Variants in EYS observed in about 807,000 individuals in gnomAD.
EYS encodes the protein EGF-like photoreceptor maintenance factor.
In EYS, 250 loss-of-function variants were observed where a neutral mutation model predicts 282.1. That is an observed-to-expected ratio of 0.89 (90% confidence interval 0.80 to 0.98). EYS has a LOEUF of 0.98. Among genes scored for constraint, EYS ranks in the 50% least tolerant of loss-of-function variants. The probability of loss-of-function intolerance (pLI) is 0.00; values close to 1 mark genes in which losing one functional copy is unlikely to be tolerated. For missense variants in EYS, 4,016 were observed against 3,709.0 expected (o/e 1.08, Z -2.15); for synonymous variants, 1,355 against 1,282.9 (o/e 1.06, Z -1.20).
At chr6:64,569,762 AACAG>A (rs960613234) in intron 26 of EYS, among the ~76,000 whole-genome samples, 7 of 152,050 alleles carry the variant, frequency 4.6e-5, no homozygotes, top group Non-Finnish European at 1.0e-4. Flanking sequence ...AATGAAAAGG[AACAG>A]ACAAAGCCTC....
intron 2 of EYS, among the ~76,000 whole-genome samples, chr6:65,546,512 G>A (rs1655261229): frequency 6.6e-6 from 1 of 151,790 alleles, no homozygotes; most frequent in African/African-American, 2.4e-5. Context: ...CTTACAAAGA[G>A]TTTTATTCTC....
chr6:63,942,888 G>A (rs1477114724), intron 35 of EYS, among the ~76,000 whole-genome samples: 3 of 152,152 alleles, frequency 2.0e-5, no homozygotes, highest in Non-Finnish European at 4.4e-5. Flanking sequence ...GTGAAGACAA[G>A]GAGGATGAAG....
chr6:65,419,020 C>G (rs886706466), intron 5 of EYS, among the ~76,000 whole-genome samples: 1 of 151,806 alleles, frequency 6.6e-6, no homozygotes, highest in Non-Finnish European at 1.5e-5. Context: ...ACCCCTAATA[C>G]CATGCAGATT....
chr6:64,914,296 G>A (rs1343151750), intron 15 of EYS, among the ~76,000 whole-genome samples: 1 of 152,072 alleles, frequency 6.6e-6, no homozygotes, highest in African/African-American at 2.4e-5. Flanking sequence ...TGTGGGCAAG[G>A]TAGATTTCCA....
intron 26 of EYS, among the ~76,000 whole-genome samples, chr6:64,539,309 T>C (rs1331890597): frequency 6.6e-6 from 1 of 152,200 alleles, no homozygotes; most frequent in Middle Eastern, 3.2e-3. Flanking sequence ...CTCCTGTCTG[T>C]AATATGAGTA....
intron 27 of EYS, among the ~76,000 whole-genome samples, chr6:64,436,612 T>C (rs192615927): frequency 6.6e-6 from 1 of 151,958 alleles, no homozygotes; most frequent in Admixed American, 6.6e-5. Context: ...TAACAGCAAT[T>C]GAGCAAGGCA....
chr6:64,685,618 C>G (rs917193041), intron 22 of EYS, among the ~76,000 whole-genome samples: 2 of 152,104 alleles, frequency 1.3e-5, no homozygotes, highest in Non-Finnish European at 2.9e-5. Flanking sequence ...CATTCCTCCA[C>G]GAGTGGAAAC....
chr6:65,202,399 T>C (rs1765924258), intron 12 of EYS, among the ~76,000 whole-genome samples: 1 of 152,152 alleles, frequency 6.6e-6, no homozygotes, highest in South Asian at 2.1e-4. Flanking sequence ...TAGCTGTTTG[T>C]GAAAGCTGTG....
chr6:65,311,356 A>G (rs1159702492), intron 11 of EYS, among the ~76,000 whole-genome samples: 5 of 152,156 alleles, frequency 3.3e-5, no homozygotes, highest in African/African-American at 1.2e-4. Flanking sequence ...TAGACCCACT[A>G]CTCATATTTC....
chr6:64,203,885 G>C (rs1429472412), intron 31 of EYS, among the ~76,000 whole-genome samples: 1 of 152,032 alleles, frequency 6.6e-6, no homozygotes, highest in Non-Finnish European at 1.5e-5. Context: ...AATAAAAATT[G>C]TATTCAGTTA....
Position 64,300,275 on chromosome 6 carries a change from C to T in EYS, c.6191+6695G>A, listed in dbSNP as rs1028041536. 6.9e-4 allele frequency among the ~76,000 whole-genome samples: 105 copies of T among 152,116 alleles called. 1 individual carries two copies. The highest frequency in any genetic ancestry group is 2.3e-3 in the African/African-American group (94 of 41,460). On this transcript the variant is annotated intron_variant, in intron 30 of 42. Coordinates refer to ENST00000503581, the MANE Select transcript of EYS (RefSeq NM_001142800.2). ...CATGACACCCCAGGCCGACAGGGGC[C>T]GCGGCAGGGGGCAGAAGCAACACAG... is the stretch of plus-strand genomic sequence containing the variant.
chr6:64,351,281 A>G (rs903874425), intron 29 of EYS, among the ~76,000 whole-genome samples: 3 of 151,502 alleles, frequency 2.0e-5, no homozygotes. Context: ...ATTTCAGTCT[A>G]TGCAAGTTTT....
At chr6:65,101,563 A>G (rs961974633) in intron 12 of EYS, among the ~76,000 whole-genome samples, 3 of 151,290 alleles carry the variant, frequency 2.0e-5, no homozygotes, top group African/African-American at 7.3e-5. Context: ...ACTACCTCAG[A>G]TAATAAATAG....
chr6:65,598,241 C>T (rs1334842965), intron 2 of EYS, among the ~76,000 whole-genome samples: 3 of 81,340 alleles, frequency 3.7e-5, no homozygotes, highest in Admixed American at 1.7e-4. Context: ...CCCACCCACC[C>T]CCCCCCCAAA....
intron 19 of EYS, among the ~76,000 whole-genome samples, chr6:64,861,833 T>C (rs1766246960): frequency 6.6e-6 from 1 of 152,230 alleles, no homozygotes; most frequent in Admixed American, 6.5e-5. Flanking sequence ...TAAGAAGATA[T>C]TTTGTTTTAC....
chr6:65,477,946 C>G (rs1026072589), intron 5 of EYS, among the ~76,000 whole-genome samples: 4 of 152,104 alleles, frequency 2.6e-5, no homozygotes, highest in Non-Finnish European at 4.4e-5. Context: ...TCAAATATGT[C>G]TGTCAGAAGA....
intron 26 of EYS, among the ~76,000 whole-genome samples, chr6:64,465,399 C>G (rs1052900017): frequency 1.2e-4 from 18 of 152,080 alleles, no homozygotes; most frequent in Non-Finnish European, 2.4e-4. Flanking sequence ...AGCAATAGTA[C>G]TGGCATAAAA....
intron 29 of EYS, among the ~76,000 whole-genome samples, chr6:64,326,842 C>T (rs771146735): frequency 2.2e-4 from 33 of 152,136 alleles, no homozygotes; most frequent in Admixed American, 5.9e-4. Flanking sequence ...ACATCTGAAC[C>T]ACAGTAAGGT....
At chr6:65,157,354 T>A (rs1283844116) in intron 12 of EYS, among the ~76,000 whole-genome samples, 3 of 150,866 alleles carry the variant, frequency 2.0e-5, no homozygotes, top group African/African-American at 7.3e-5. Context: ...TTATTTAGAA[T>A]CTCTAATCAA....
Sources: gnomAD v4.1 joint callset for allele counts (sites outside exome capture counted in the v4.1 genomes callset) on GRCh38, gnomAD v4.1.1 for gene constraint, MANE v1.5 for transcripts, NCBI Gene and HGNC (gene_info 2026-07-23, HGNC 2026-07-21) for gene names.